The following UBE2L3 variants were observed in gnomAD, a reference collection of about 807,000 sequenced individuals.
UBE2L3 encodes ubiquitin conjugating enzyme E2 L3.
In UBE2L3, 1 loss-of-function variant was observed where a neutral mutation model predicts 17.8. That is an observed-to-expected ratio of 0.06 (90% CI 0.02 to 0.27). The LOEUF is 0.27. Among genes scored for constraint, UBE2L3 ranks in the 10% least tolerant of loss-of-function variants. The pLI, the probability that UBE2L3 is intolerant of heterozygous loss-of-function variation, is 1.00. For synonymous variants in UBE2L3, 44 were observed against 68.5 expected, an observed-to-expected ratio of 0.64 and a Z score of 1.76; for missense variants, 40 against 192.6, an observed-to-expected ratio of 0.21 and a Z score of 4.69.
chr22:21,587,714 C>T (rs1414801367), intron 1 of UBE2L3, among the ~76,000 whole-genome samples: 5 of 152,176 alleles, frequency 3.3e-5, no homozygotes, highest in Non-Finnish European at 7.3e-5. Flanking sequence ...GACTTGAGTC[C>T]GTGGCCTTCT....
intron 2 of UBE2L3, among the ~76,000 whole-genome samples, chr22:21,597,710 G>A (rs1928607166): frequency 6.9e-6 from 1 of 144,356 alleles, no homozygotes; most frequent in South Asian, 2.3e-4. Context: ...ATTTTCCTGA[G>A]TTTTCTTCTA....
At chr22:21,587,718 G>A (rs9621715) in intron 1 of UBE2L3, among the ~76,000 whole-genome samples, 28,124 of 152,162 alleles carry the variant, frequency 0.18, 3,464 homozygotes, top group East Asian at 0.41. Context: ...TGAGTCCGTG[G>A]CCTTCTGCTG....
At chr22:21,561,108 G>A (rs1327689122) in intron 1 of UBE2L3, among the ~76,000 whole-genome samples, 1 of 152,266 alleles carries the variant, frequency 6.6e-6, no homozygotes, top group East Asian at 1.9e-4. Flanking sequence ...GACTTGGTCT[G>A]GCCCTCACAG....
intron 2 of UBE2L3, 73 bp from the exon 3 acceptor site, chr22:21,610,784 A>G (rs1929434875): frequency 1.4e-6 from 2 of 1,414,164 alleles, no homozygotes; most frequent in African/African-American, 2.9e-5. Context: ...CAGATAAACA[A>G]TTAAAACATT....
In UBE2L3 at chr22:21,578,473, C is replaced by T. The variant is rs545611366; in HGVS notation, c.27+10702C>T. Among the ~76,000 whole-genome samples, 16 of 152,144 alleles carry T rather than the reference C, an allele frequency of 1.1e-4. No individual in the cohort carries two copies. The East Asian group carries it at 3.1e-3, about 29-fold the overall frequency. On this transcript the variant is annotated intron_variant, in intron 1 of 3. Transcript: ENST00000342192. Reference sequence around the variant, plus strand: ...TCGTGCCCATTTGTCCTGTGTCAGGCTTTGTGTGGTTGAGTCTGTTGTGGA... The same window carrying T: ...TCGTGCCCATTTGTCCTGTGTCAGGTTTTGTGTGGTTGAGTCTGTTGTGGA...
At chr22:21,614,652 A>G (rs772317042) in intron 3 of UBE2L3, 7 of 1,364,790 alleles carry the variant, frequency 5.1e-6, no homozygotes, top group Middle Eastern at 4.2e-4. Context: ...TTAGCCACCC[A>G]CAAGTACAGA....
At chr22:21,570,384 G>A (rs989919359) in intron 1 of UBE2L3, among the ~76,000 whole-genome samples, 1 of 152,172 alleles carries the variant, frequency 6.6e-6, no homozygotes, top group African/African-American at 2.4e-5. Context: ...GGTTATTTAC[G>A]TAAGTCATCT....
intron 1 of UBE2L3, among the ~76,000 whole-genome samples, chr22:21,561,409 CTA>C (rs1926425957): frequency 6.6e-6 from 1 of 152,306 alleles, no homozygotes; most frequent in African/African-American, 2.4e-5. Flanking sequence ...CAAACTGTCT[CTA>C]TAAATTTTCT....
At chr22:21,596,267 C>A (rs553260296) in intron 2 of UBE2L3, among the ~76,000 whole-genome samples, 1 of 152,124 alleles carries the variant, frequency 6.6e-6, no homozygotes, top group South Asian at 2.1e-4. Context: ...GTGGTGTGAT[C>A]ATGGCCCATT....
intron 2 of UBE2L3, among the ~76,000 whole-genome samples, chr22:21,593,409 C>G (rs1235991345): frequency 2.0e-5 from 3 of 152,130 alleles, no homozygotes; most frequent in Admixed American, 2.0e-4. Flanking sequence ...CCAACCTGTG[C>G]CTTCCATTTG....
intron 3 of UBE2L3, among the ~76,000 whole-genome samples, chr22:21,613,542 C>T (rs1418848120): frequency 6.6e-6 from 1 of 152,180 alleles, no homozygotes; most frequent in African/African-American, 2.4e-5. Flanking sequence ...TGGCCTTGAT[C>T]CCCATCCTCA....
intron 1 of UBE2L3, among the ~76,000 whole-genome samples, chr22:21,579,448 G>A (rs771997645): frequency 7.9e-5 from 12 of 151,892 alleles, no homozygotes; most frequent in Admixed American, 2.0e-4. Flanking sequence ...CTTATGTTTA[G>A]ATTTTCAGTA....
intron 1 of UBE2L3, among the ~76,000 whole-genome samples, chr22:21,582,824 C>T (rs1283327664): frequency 1.3e-5 from 2 of 152,080 alleles, no homozygotes; most frequent in Non-Finnish European, 2.9e-5. Flanking sequence ...GTGCCCGGCC[C>T]TCAATATGGT....
At chr22:21,614,025 T>G (rs1929640388) in intron 3 of UBE2L3, among the ~76,000 whole-genome samples, 2 of 152,102 alleles carry the variant, frequency 1.3e-5, no homozygotes, top group South Asian at 4.1e-4. Flanking sequence ...GTATGCAGGA[T>G]GGGAGACATG....
At chr22:21,565,372 G>A (rs1266890413), upstream of UBE2L3, among the ~76,000 whole-genome samples, 2 of 151,708 alleles carry the variant, frequency 1.3e-5, no homozygotes, top group Non-Finnish European at 2.9e-5. Context: ...GATTACAGGT[G>A]TGAACCACCA....
At position 21,591,600 on chromosome 22, in the gene UBE2L3, G is replaced by T. The variant is rs78073088; in HGVS notation, c.28-1261G>T. On this transcript the variant is annotated intron_variant, in intron 1 of 3. Transcript: ENST00000342192. The stretch of plus-strand genomic sequence containing the variant: ...TTGCCAATTGTTTCCTTCCCTGCCT[G>T]TGTAGCCTCAGGGTGCCTTTTAAAC... Among the ~76,000 whole-genome samples, 941 of 152,316 alleles carry T rather than the reference G, an allele frequency of 6.2e-3. 16 individuals carry two copies. Among genetic ancestry groups the T allele is most frequent in the African/African-American group, 0.022 (903 of 41,542 alleles).
intron 1 of UBE2L3, among the ~76,000 whole-genome samples, chr22:21,562,257 T>C (rs1642580): frequency 0.013 from 1,834 of 146,402 alleles, 34 homozygotes; most frequent in African/African-American, 0.043. Context: ...TGCAGTGGCG[T>C]GATCTCGGCT....
chr22:21,593,009 T>C (rs1225686886), intron 2 of UBE2L3, 53 bp downstream of exon 2: 1 of 1,528,974 alleles, frequency 6.5e-7, no homozygotes, highest in Admixed American at 1.7e-5. Flanking sequence ...AGGTGATGTG[T>C]GTGCTGTTGG....
At chr22:21,556,136 T>G (rs1198115528) in intron 1 of UBE2L3, among the ~76,000 whole-genome samples, 1 of 152,136 alleles carries the variant, frequency 6.6e-6, no homozygotes, top group African/African-American at 2.4e-5. Context: ...GAGGCTGAGG[T>G]GGGAAGATTG....
Sources: gnomAD v4.1 joint callset for allele counts (sites outside exome capture counted in the v4.1 genomes callset) on GRCh38, gnomAD v4.1.1 for gene constraint, MANE v1.5 for transcripts, NCBI Gene and HGNC (gene_info 2026-07-23, HGNC 2026-07-21) for gene names.